Variants in CRAMP1 observed in about 807,000 individuals in gnomAD.
The protein encoded by CRAMP1 is protein cramped-like.
A neutral mutation model predicts 115.4 loss-of-function variants in CRAMP1; 50 were observed. That is an observed-to-expected ratio of 0.43 (90% CI 0.35 to 0.55). CRAMP1 has a LOEUF of 0.55. CRAMP1 is among the 20% of genes least tolerant of loss of function. The pLI, the probability that CRAMP1 is intolerant of heterozygous loss-of-function variation, is 0.01. For synonymous variants in CRAMP1, 866 were observed against 745.4 expected, an observed-to-expected ratio of 1.16 and a Z score of -2.64; for missense variants, 1,679 against 1,721.7, an observed-to-expected ratio of 0.98 and a Z score of 0.44.
intron 1 of CRAMP1, among the ~76,000 whole-genome samples, chr16:1,613,468 C>CT (rs1375074639): frequency 3.9e-5 from 6 of 152,202 alleles, no homozygotes. Flanking sequence ...TGCCCCCGTT[C>CT]TCAACAGTTG....
chr16:1,632,450 G>A, intron 4 of CRAMP1, 85 bp downstream of exon 4: 1 of 1,360,370 alleles, frequency 7.4e-7, no homozygotes, highest in Non-Finnish European at 9.9e-7. Context: ...AAGCCCGCCG[G>A]ACCTGCTTTC....
At chr16:1,628,814 G>A (rs926862504) in intron 3 of CRAMP1, among the ~76,000 whole-genome samples, 4 of 152,214 alleles carry the variant, frequency 2.6e-5, no homozygotes, top group Middle Eastern at 3.2e-3. Context: ...GGACCCCACC[G>A]CCATCACTGG....
chr16:1,632,421 T>TCA (rs1324534141), intron 4 of CRAMP1, 56 bp downstream of exon 4: 20 of 1,514,940 alleles, frequency 1.3e-5, no homozygotes, highest in Non-Finnish European at 2.7e-6. Flanking sequence ...CGGCTTCTGC[T>TCA]CAGAGCGCAG....
intron 6 of CRAMP1, chr16:1,646,992 C>G (rs780065519): frequency 7.1e-6 from 5 of 702,316 alleles, no homozygotes; most frequent in East Asian, 5.4e-5. Flanking sequence ...GTTCTGTCAA[C>G]TTTTGTGACC....
chr16:1,629,626 C>T (rs946855464), intron 3 of CRAMP1, among the ~76,000 whole-genome samples: 2 of 151,962 alleles, frequency 1.3e-5, no homozygotes, highest in African/African-American at 2.4e-5. Context: ...CTTGAGTAGA[C>T]GACCCCGCAG....
At chr16:1,615,447 C>A (rs558334187) in intron 2 of CRAMP1, among the ~76,000 whole-genome samples, 1 of 152,298 alleles carries the variant, frequency 6.6e-6, no homozygotes, top group African/African-American at 2.4e-5. Context: ...TCCTTGGGGT[C>A]TGACTTGGAC....
chr16:1,641,915 C>T (rs555848356), intron 6 of CRAMP1, among the ~76,000 whole-genome samples: 4 of 151,770 alleles, frequency 2.6e-5, no homozygotes, highest in South Asian at 2.1e-4. Context: ...GGGGGGTCCC[C>T]GTTCCACAGC....
At chr16:1,620,229 G>C (rs1042917482) in intron 2 of CRAMP1, among the ~76,000 whole-genome samples, 6 of 152,214 alleles carry the variant, frequency 3.9e-5, no homozygotes, top group African/African-American at 1.4e-4. Context: ...AGGAGACTTG[G>C]AGGTGGACGC....
chr16:1,615,082 C>T (rs1051893277), intron 2 of CRAMP1, 97 bp downstream of exon 2: 12 of 699,688 alleles, frequency 1.7e-5, no homozygotes, highest in East Asian at 3.5e-5. Context: ...CACCCTAGCT[C>T]ACCCATCCCG....
At chr16:1,657,083 C>T (rs1335659567) in intron 10 of CRAMP1, 91 bp downstream of exon 10, 15 of 1,181,544 alleles carry the variant, frequency 1.3e-5, no homozygotes, top group East Asian at 2.6e-5. Context: ...AGGGCCAGCA[C>T]GGTTGGGGTC....
In CRAMP1 at chr16:1,672,218, G is replaced by A. The variant is rs574380804; in HGVS notation, c.3645+1409G>A. 6.6e-6 allele frequency among the ~76,000 whole-genome samples: 1 copy of A among 152,332 alleles called. No homozygotes were observed. The highest frequency in any genetic ancestry group is 1.5e-5 in the Non-Finnish European group (1 of 68,026). On this transcript the variant is annotated intron_variant, in intron 20 of 20. Coordinates refer to ENST00000397412, the MANE Select transcript of CRAMP1 (RefSeq NM_020825.4). This position sits in a 1 kb window ranked among gnomAD's most constrained non-coding sequence, Gnocchi z 4.9. ...ATTTGCACCTTTAATAAAATCCTGG[G>A]CAACAGATGGCACTTGGGAGTGAGT...
intron 1 of CRAMP1, among the ~76,000 whole-genome samples, 112 bp downstream of exon 1, chr16:1,612,769 C>T (rs1596478226): frequency 6.6e-6 from 1 of 152,080 alleles, no homozygotes; most frequent in East Asian, 1.9e-4. Context: ...CCGGTACAGC[C>T]ACAACTGGCC....
At chr16:1,644,986 TCC>T (rs1323596451) in intron 6 of CRAMP1, among the ~76,000 whole-genome samples, 8 of 151,994 alleles carry the variant, frequency 5.3e-5, no homozygotes, top group African/African-American at 1.9e-4. Context: ...ACAGGCATGA[TCC>T]TTCACACCTG....
At chr16:1,635,994 T>C (rs1364569265) in intron 4 of CRAMP1, among the ~76,000 whole-genome samples, 1 of 152,244 alleles carries the variant, frequency 6.6e-6, no homozygotes, top group African/African-American at 2.4e-5. Flanking sequence ...GGCTGGATTA[T>C]TTTCCTTTGG....
rs1054631680 is a variant in CRAMP1 at position 1,671,886 on chromosome 16, A to G, written c.3645+1077A>G. Among the ~76,000 whole-genome samples the G allele has an allele frequency of 6.6e-6, 1 of 152,230 alleles. No homozygotes were observed. Among genetic ancestry groups the G allele is most frequent in the African/African-American group, 2.4e-5 (1 of 41,448 alleles). Reference sequence around the variant, plus strand: ...ATATGACTGGAAATTTTAGCCAAATATACACATAGACACAATTAATAGCGT... The same window carrying G: ...ATATGACTGGAAATTTTAGCCAAATGTACACATAGACACAATTAATAGCGT... On this transcript the variant is annotated intron_variant, in intron 20 of 20. Coordinates refer to ENST00000397412, the MANE Select transcript of CRAMP1 (RefSeq NM_020825.4). This position sits in a 1 kb window ranked among gnomAD's most constrained non-coding sequence, Gnocchi z 5.0.
chr16:1,665,885 T>A, intron 14 of CRAMP1, 188 bp from the exon 15 acceptor site: 1 of 587,858 alleles, frequency 1.7e-6, no homozygotes, highest in Non-Finnish European at 3.1e-6. Context: ...CCAGAGCTTG[T>A]GTCACGTTGG....
rs757491126 is a variant in CRAMP1 at position 1,659,871 on chromosome 16, C to G, written c.2236-15C>G. 1.9e-6 allele frequency: 3 copies of G among 1,612,608 alleles called. No individual in the cohort carries two copies. The South Asian group carries it at 3.3e-5, about 18-fold the overall frequency. On this transcript the variant is annotated splice_polypyrimidine_tract_variant and intron_variant, in intron 10 of 20. Transcript: ENST00000397412. ...GTGCTGAGTTTGGACATTGTTTGGCCCATTTCTGTCCTAGGCTCTGGAAGC... is the reference window on the plus strand; with the variant it reads ...GTGCTGAGTTTGGACATTGTTTGGCGCATTTCTGTCCTAGGCTCTGGAAGC...
intron 2 of CRAMP1, among the ~76,000 whole-genome samples, chr16:1,618,014 A>G (rs2036435701): frequency 6.6e-6 from 1 of 152,166 alleles, no homozygotes; most frequent in African/African-American, 2.4e-5. Flanking sequence ...CAGCTCTAAT[A>G]CACCACCCAC....
intron 7 of CRAMP1, 139 bp from the exon 8 acceptor site, chr16:1,652,894 G>C (rs2036736988): frequency 9.7e-7 from 1 of 1,033,076 alleles, no homozygotes; most frequent in Admixed American, 2.6e-5. Flanking sequence ...CTTCTTCGCT[G>C]GGGTTTCTCT....
Sources: allele counts gnomAD v4.1 joint callset (sites outside exome capture counted in the v4.1 genomes callset), GRCh38; gene constraint gnomAD v4.1.1; non-coding constraint Gnocchi (gnomAD v3.1); transcripts MANE v1.5; gene names NCBI Gene and HGNC (gene_info 2026-07-23, HGNC 2026-07-21).